The following SLC12A6 variants were observed in gnomAD, a reference collection of about 807,000 sequenced individuals.
SLC12A6 encodes K-Cl cotransporter 3.
A neutral mutation model predicts 135.3 loss-of-function variants in SLC12A6; 66 were observed. The observed-to-expected ratio is 0.49, with a 90% CI of 0.40 to 0.60. The LOEUF is 0.60. Ranked by LOEUF, SLC12A6 falls within the 20% of genes least tolerant of loss-of-function variation. The pLI is 0.00. For missense variants in SLC12A6, 1,058 were observed against 1,452.3 expected (o/e 0.73, Z 4.41); for synonymous variants, 513 against 508.8 (o/e 1.01, Z -0.11).
At chr15:34,257,006 C>A (rs1247637168) in intron 6 of SLC12A6, among the ~76,000 whole-genome samples, 1 of 152,088 alleles carries the variant, frequency 6.6e-6, no homozygotes, top group Non-Finnish European at 1.5e-5. Flanking sequence ...ATGAACTGTG[C>A]CTGCTTAACC....
chr15:34,306,953 AG>A (rs1336800819), intron 2 of SLC12A6, among the ~76,000 whole-genome samples: 12 of 152,332 alleles, frequency 7.9e-5, no homozygotes, highest in African/African-American at 2.6e-4. Flanking sequence ...ATAAAATTCT[AG>A]GAAATGCAAA....
chr15:34,298,924 T>C (rs1446254025), intron 2 of SLC12A6, among the ~76,000 whole-genome samples: 1 of 152,212 alleles, frequency 6.6e-6, no homozygotes, highest in Admixed American at 6.5e-5. Flanking sequence ...TCCATACTAA[T>C]AATCCTAAAA....
At chr15:34,258,677 G>C (rs1892916638) in intron 5 of SLC12A6, 136 bp downstream of exon 5, 3 of 791,782 alleles carry the variant, frequency 3.8e-6, no homozygotes, top group Non-Finnish European at 6.7e-6. Flanking sequence ...CTATGACGCT[G>C]GTGCCCAGAA....
intron 2 of SLC12A6, among the ~76,000 whole-genome samples, chr15:34,296,512 T>A (rs978186763): frequency 3.9e-5 from 6 of 152,134 alleles, no homozygotes; most frequent in Non-Finnish European, 5.9e-5. Context: ...AAAATTTAGG[T>A]ACAAGAATGA....
intron 2 of SLC12A6, among the ~76,000 whole-genome samples, chr15:34,334,837 A>G (rs1890097426): frequency 6.6e-6 from 1 of 152,208 alleles, no homozygotes; most frequent in Non-Finnish European, 1.5e-5. Context: ...ATACCACTTT[A>G]GACTGTAAAG....
chr15:34,253,955 G>A (rs944816511), intron 9 of SLC12A6, among the ~76,000 whole-genome samples: 6 of 152,232 alleles, frequency 3.9e-5, no homozygotes, highest in Admixed American at 3.3e-4. Context: ...AGTGGCTCAC[G>A]CCTGTAATCC....
At chr15:34,283,994 G>A (rs957657174) in intron 2 of SLC12A6, among the ~76,000 whole-genome samples, 1 of 152,032 alleles carries the variant, frequency 6.6e-6, no homozygotes, top group Non-Finnish European at 1.5e-5. Flanking sequence ...GGGCTCAGGC[G>A]ATTCTCCTGC....
chr15:34,250,805 A>G, intron 11 of SLC12A6, 76 bp from the exon 12 acceptor site: 1 of 1,391,782 alleles, frequency 7.2e-7, no homozygotes, highest in Non-Finnish European at 1.0e-6. Context: ...AAAGAGTAGA[A>G]GCAAATCTAG....
At chr15:34,279,714 G>T (rs1001594120) in intron 2 of SLC12A6, among the ~76,000 whole-genome samples, 1 of 152,128 alleles carries the variant, frequency 6.6e-6, no homozygotes, top group Non-Finnish European at 1.5e-5. Flanking sequence ...AATGTCACTA[G>T]TTTTACCCCA....
At chr15:34,262,936 G>C (rs7168029) in intron 3 of SLC12A6, among the ~76,000 whole-genome samples, 4,154 of 152,230 alleles carry the variant, frequency 0.027, 189 homozygotes, top group African/African-American at 0.095. Flanking sequence ...GGTGAGCTCG[G>C]GCCTGAGCAA....
intron 2 of SLC12A6, among the ~76,000 whole-genome samples, chr15:34,319,273 C>A (rs1888886811): frequency 6.6e-6 from 1 of 151,548 alleles, no homozygotes; most frequent in Non-Finnish European, 1.5e-5. Flanking sequence ...GTAGCTGGGA[C>A]TACAGACATG....
chr15:34,335,881 T>C (rs1308904648), intron 2 of SLC12A6, among the ~76,000 whole-genome samples: 1 of 152,208 alleles, frequency 6.6e-6, no homozygotes, highest in Non-Finnish European at 1.5e-5. Flanking sequence ...TCACCCTGAG[T>C]GGGCTTAGCT....
In SLC12A6 at chr15:34,251,021, A is replaced by C. The variant is rs1408618119; in HGVS notation, c.1370T>G (p.Ile457Ser). The change falls in exon 11 of 26, where the codon ATC becomes AGC. Residue 457 changes from isoleucine (I) to serine (S), a missense_variant. Ile to Ser is a moderately radical substitution (Grantham distance 142). Coordinates refer to ENST00000354181, the MANE Select transcript of SLC12A6 (RefSeq NM_001365088.1). ...LWSNYLPKGE[I>S]IEKPSAKSSD... ...AGATTTGGCTGAAGGCTTTTCGATG[A>C]TCTCTCCCTTGGGTAGGTAATTACT... 2 of 1,611,838 alleles carry C rather than the reference A, an allele frequency of 1.2e-6. No homozygotes were observed. The highest frequency in any genetic ancestry group is 1.7e-6 in the Non-Finnish European group (2 of 1,178,062).
chr15:34,321,895 G>C (rs1434780353), intron 2 of SLC12A6, among the ~76,000 whole-genome samples: 1 of 152,168 alleles, frequency 6.6e-6, no homozygotes, highest in Non-Finnish European at 1.5e-5. Flanking sequence ...ACTTTTATAA[G>C]GTTTTAGAAC....
At chr15:34,333,982 A>G (rs980785840) in intron 2 of SLC12A6, among the ~76,000 whole-genome samples, 16 of 151,908 alleles carry the variant, frequency 1.1e-4, no homozygotes, top group African/African-American at 3.6e-4. Context: ...AGGCAAAAGA[A>G]TCACTGGAAC....
At chr15:34,312,983 C>T (rs1311001069) in intron 2 of SLC12A6, among the ~76,000 whole-genome samples, 1 of 152,134 alleles carries the variant, frequency 6.6e-6, no homozygotes, top group Non-Finnish European at 1.5e-5. Flanking sequence ...GTGTTCTGAC[C>T]ACTCCATCAA....
At position 34,315,868 on chromosome 15, in the gene SLC12A6, G is replaced by A. The variant is rs147792552; in HGVS notation, c.271+20542C>T. On this transcript the variant is annotated intron_variant, in intron 2 of 25. Coordinates refer to ENST00000354181, the MANE Select transcript of SLC12A6 (RefSeq NM_001365088.1). ...GTGGCATGTGCCTGTAGTCCCAGGA[G>A]GTGGAGGTTGCAGCGAGCAGAGATC... 2.7e-3 allele frequency among the ~76,000 whole-genome samples: 401 copies of A among 150,488 alleles called. 20 individuals carry two copies. In the East Asian group the frequency reaches 0.069, roughly 26 times the overall value.
intron 19 of SLC12A6, among the ~76,000 whole-genome samples, chr15:34,240,309 C>A (rs1033625158): frequency 3.3e-5 from 5 of 152,130 alleles, no homozygotes; most frequent in Admixed American, 3.3e-4. Context: ...AAAATTTGGT[C>A]ATTACTCCTT....
intron 2 of SLC12A6, among the ~76,000 whole-genome samples, chr15:34,281,556 G>T (rs369344067): frequency 6.6e-6 from 1 of 152,128 alleles, no homozygotes; most frequent in Non-Finnish European, 1.5e-5. Flanking sequence ...TTGGGAGGCC[G>T]AGGCGAGTGG....
Sources: gnomAD v4.1 joint callset for allele counts (sites outside exome capture counted in the v4.1 genomes callset) on GRCh38, gnomAD v4.1.1 for gene constraint, MANE v1.5 for transcripts, NCBI Gene and HGNC (gene_info 2026-07-23, HGNC 2026-07-21) for gene names.